HSDL2: variants seen among roughly 807,000 people sequenced by gnomAD.
HSDL2 encodes hydroxysteroid dehydrogenase-like protein 2.
In HSDL2, 27 loss-of-function variants were observed where a neutral mutation model predicts 46.3. The ratio of observed to expected loss-of-function variants is 0.58; its 90% confidence interval spans 0.43 to 0.80. HSDL2 has a LOEUF of 0.80. Ranked by LOEUF, HSDL2 falls within the 30% of genes least tolerant of loss-of-function variation. HSDL2 has a pLI of 0.00. For missense variants in HSDL2, 451 were observed against 502.7 expected (o/e 0.90, Z 0.98); for synonymous variants, 153 against 163.6 (o/e 0.94, Z 0.50).
intron 1 of HSDL2, 42 bp downstream of exon 1, chr9:112,380,222 G>T (rs781373568): frequency 3.8e-5 from 58 of 1,528,078 alleles, no homozygotes; most frequent in Non-Finnish European, 5.0e-5. Context: ...CCTGTCGGGC[G>T]AAGGGCGCGT....
chr9:112,431,466 C>A (rs1832397586), intron 6 of HSDL2, among the ~76,000 whole-genome samples: 1 of 152,060 alleles, frequency 6.6e-6, no homozygotes, highest in Non-Finnish European at 1.5e-5. Context: ...GAGATGAAAG[C>A]CGACTGAAGA....
intron 4 of HSDL2, among the ~76,000 whole-genome samples, chr9:112,413,134 T>C (rs1216400679): frequency 6.6e-6 from 1 of 151,906 alleles, no homozygotes; most frequent in Admixed American, 6.6e-5. Flanking sequence ...AAGTGTCAGA[T>C]TTTTGGCCTT....
intron 1 of HSDL2, among the ~76,000 whole-genome samples, chr9:112,400,566 C>A (rs1445917442): frequency 2.6e-5 from 4 of 152,212 alleles, no homozygotes; most frequent in Admixed American, 2.0e-4. Context: ...AAGATCGTGC[C>A]ACTGCACTCC....
intron 1 of HSDL2, among the ~76,000 whole-genome samples, chr9:112,395,657 T>C (rs1467004970): frequency 6.6e-6 from 1 of 152,246 alleles, no homozygotes; most frequent in African/African-American, 2.4e-5. Flanking sequence ...TCAATAACTA[T>C]GAGAGGCCAA....
At chr9:112,443,066 T>TA (rs1226088703) in intron 8 of HSDL2, among the ~76,000 whole-genome samples, 1 of 152,132 alleles carries the variant, frequency 6.6e-6, no homozygotes, top group Non-Finnish European at 1.5e-5. Context: ...AAAGGCCTCT[T>TA]ACAGAATGGT....
chr9:112,462,600 A>G (rs1192748514), intron 10 of HSDL2, among the ~76,000 whole-genome samples: 1 of 146,630 alleles, frequency 6.8e-6, no homozygotes, highest in Non-Finnish European at 1.5e-5. Flanking sequence ...GAGGAGGGGG[A>G]TGTGTGTGTG....
At chr9:112,386,717 A>G (rs377008503) in intron 1 of HSDL2, among the ~76,000 whole-genome samples, 14 of 152,330 alleles carry the variant, frequency 9.2e-5, no homozygotes, top group African/African-American at 3.1e-4. Context: ...GGGAAGGTCA[A>G]GTCTCCAGTA....
At chr9:112,395,412 C>T (rs1351314400) in intron 1 of HSDL2, among the ~76,000 whole-genome samples, 3 of 152,202 alleles carry the variant, frequency 2.0e-5, no homozygotes, top group South Asian at 4.1e-4. Context: ...CTCTTCCCCA[C>T]GTTATAATTG....
chr9:112,407,477 C>A (rs968714861), intron 3 of HSDL2, among the ~76,000 whole-genome samples: 1 of 152,036 alleles, frequency 6.6e-6, no homozygotes, highest in Non-Finnish European at 1.5e-5. Context: ...TATGTAGTGG[C>A]ATGATCGTGG....
chr9:112,469,360 T>TA (rs879861538), intron 10 of HSDL2, among the ~76,000 whole-genome samples: 24 of 152,046 alleles, frequency 1.6e-4, no homozygotes, highest in Non-Finnish European at 2.6e-4. Flanking sequence ...TTCTAGAAGA[T>TA]ATGTCATCTA....
intron 6 of HSDL2, among the ~76,000 whole-genome samples, chr9:112,433,264 G>A (rs1832450000): frequency 6.6e-6 from 1 of 152,182 alleles, no homozygotes; most frequent in African/African-American, 2.4e-5. Flanking sequence ...AATACTTTCT[G>A]TGCGGTGGAA....
chr9:112,440,526 G>A (rs1832617875), intron 7 of HSDL2, among the ~76,000 whole-genome samples: 1 of 152,156 alleles, frequency 6.6e-6, no homozygotes, highest in African/African-American at 2.4e-5. Flanking sequence ...GGAGTTATCA[G>A]TGTAATTAAA....
At chr9:112,391,500 A>T (rs1344406043) in intron 1 of HSDL2, among the ~76,000 whole-genome samples, 1 of 152,182 alleles carries the variant, frequency 6.6e-6, no homozygotes, top group Non-Finnish European at 1.5e-5. Flanking sequence ...TAATCAAAAG[A>T]CACTATAAAA....
At position 112,417,713 on chromosome 9, in the gene HSDL2, C is replaced by A. The variant is rs539555662; in HGVS notation, c.499+769C>A. ...CCACTTTAATTGACTAGGTTAAATA[C>A]ATTTGCAGCCTTTTTTTATTATTGT... On this transcript the variant is annotated intron_variant, in intron 5 of 10. Transcript: ENST00000398805. Among the ~76,000 whole-genome samples the A allele has an allele frequency of 3.3e-3, 498 of 151,834 alleles. 7 individuals are homozygous for A. Among genetic ancestry groups the A allele is most frequent in the African/African-American group, 0.011 (461 of 41,368 alleles).
intron 1 of HSDL2, among the ~76,000 whole-genome samples, chr9:112,402,941 C>T (rs1268819981): frequency 6.6e-6 from 1 of 151,482 alleles, no homozygotes; most frequent in Non-Finnish European, 1.5e-5. Context: ...GAGACTGTGT[C>T]TCAAAAGAAA....
Position 112,405,709 on chromosome 9 carries a change from C to A in HSDL2, c.267C>A (p.Ile89=), listed in dbSNP as rs371625063. Residue 89 remains isoleucine (I), a synonymous_variant, in exon 3 of 11, where the codon ATC becomes ATA. Coordinates refer to ENST00000398805, the MANE Select transcript of HSDL2 (RefSeq NM_032303.5). ...QQISAAVEKA[I]KKFGGIDILV... The stretch of plus-strand genomic sequence containing the variant: ...TCAGTGCTGCAGTGGAGAAAGCCAT[C>A]AAGAAATTTGGAGGTAATACCTTCA... The A allele has an allele frequency of 8.7e-6, 14 of 1,606,992 alleles. No individual in the cohort carries two copies. In the African/African-American group the frequency reaches 1.6e-4, roughly 18 times the overall value.
chr9:112,403,859 G>A, intron 1 of HSDL2, 136 bp from the exon 2 acceptor site: 1 of 772,564 alleles, frequency 1.3e-6, no homozygotes, highest in Non-Finnish European at 2.1e-6. Flanking sequence ...TCTGCCATCA[G>A]ATGGGCATGG....
At chr9:112,445,667 T>C (rs2132679983) in intron 8 of HSDL2, among the ~76,000 whole-genome samples, 1 of 152,142 alleles carries the variant, frequency 6.6e-6, no homozygotes. Context: ...TGGGATTACA[T>C]GGGTGTGCCA....
intron 1 of HSDL2, among the ~76,000 whole-genome samples, chr9:112,402,975 AACAC>A (rs1458210435): frequency 6.6e-6 from 1 of 151,728 alleles, no homozygotes; most frequent in Non-Finnish European, 1.5e-5. Context: ...ACACACACAA[AACAC>A]ACACACACAA....
Sources: gnomAD v4.1 joint callset for allele counts (sites outside exome capture counted in the v4.1 genomes callset) on GRCh38, gnomAD v4.1.1 for gene constraint, MANE v1.5 for transcripts, NCBI Gene and HGNC (gene_info 2026-07-23, HGNC 2026-07-21) for gene names.